Variants in SNAP47 observed in about 807,000 individuals in gnomAD.
The protein encoded by SNAP47 is synaptosome associated protein 47, also known as synaptosomal-associated protein 47.
SNAP47 carries 20 observed loss-of-function variants against 31.4 expected under a neutral mutation model. The ratio of observed to expected loss-of-function variants is 0.64; its 90% CI spans 0.45 to 0.93. SNAP47 has a LOEUF of 0.93. Ranked by LOEUF, SNAP47 falls within the 40% of genes least tolerant of loss-of-function variation. The pLI is 0.00. For missense variants in SNAP47, 492 were observed against 528.5 expected (o/e 0.93, Z 0.68); for synonymous variants, 194 against 213.4 (o/e 0.91, Z 0.79).
intron 1 of SNAP47, chr1:227,746,374 T>C (rs1661963684): frequency 6.6e-6 from 1 of 152,286 alleles, no homozygotes; most frequent in South Asian, 2.1e-4. Flanking sequence ...CACCCTGTGG[T>C]CTGCGTGTGA....
intron 1 of SNAP47, chr1:227,746,056 C>G (rs1661944874): frequency 6.6e-6 from 1 of 152,280 alleles, no homozygotes; most frequent in Admixed American, 6.5e-5. Context: ...AGGCTGCCAC[C>G]TCAGCCATGC....
chr1:227,772,436 C>T (rs1663879630), intron 4 of SNAP47, among the ~76,000 whole-genome samples: 1 of 151,722 alleles, frequency 6.6e-6, no homozygotes, highest in African/African-American at 2.4e-5. Flanking sequence ...CCTTTTGTGC[C>T]TGCCTTATTT....
chr1:227,768,896 G>A (rs1355500624), intron 4 of SNAP47, among the ~76,000 whole-genome samples: 1 of 152,234 alleles, frequency 6.6e-6, no homozygotes, highest in Non-Finnish European at 1.5e-5. Flanking sequence ...GTCCACGGCC[G>A]AGATACTCAC....
intron 4 of SNAP47, among the ~76,000 whole-genome samples, chr1:227,769,968 G>A (rs1663687276): frequency 6.6e-6 from 1 of 152,194 alleles, no homozygotes; most frequent in Non-Finnish European, 1.5e-5. Context: ...TGGACACTCA[G>A]TGTCGACAGA....
chr1:227,767,666 G>A (rs1663521588), intron 4 of SNAP47, among the ~76,000 whole-genome samples: 1 of 146,220 alleles, frequency 6.8e-6, no homozygotes, highest in Non-Finnish European at 1.5e-5. Flanking sequence ...TACTGTGCAT[G>A]GGCATGTGTA....
At chr1:227,778,024 C>T (rs1664260677) in intron 4 of SNAP47, among the ~76,000 whole-genome samples, 1 of 152,188 alleles carries the variant, frequency 6.6e-6, no homozygotes, top group African/African-American at 2.4e-5. Context: ...TTCAGGATAG[C>T]TATAGGATGG....
chr1:227,775,008 C>A (rs1664066099), intron 4 of SNAP47, among the ~76,000 whole-genome samples: 1 of 152,222 alleles, frequency 6.6e-6, no homozygotes, highest in Non-Finnish European at 1.5e-5. Context: ...AAAGTCCCCT[C>A]TGAGCAGCGA....
At chr1:227,767,659 T>G (rs1461837295) in intron 4 of SNAP47, among the ~76,000 whole-genome samples, 1 of 150,488 alleles carries the variant, frequency 6.6e-6, no homozygotes, top group East Asian at 1.9e-4. Context: ...TTGTGTGTAC[T>G]GTGCATGGGC....
In SNAP47 at chr1:227,735,456, C is replaced by A. The variant is rs1480936263; in HGVS notation, c.-89C>A. The A allele has an allele frequency of 2.1e-6, 3 of 1,438,226 alleles. No homozygotes were observed. Among genetic ancestry groups the A allele is most frequent in the Non-Finnish European group, 2.7e-6 (3 of 1,106,524 alleles). The allele number at this position is 1,438,226 out of a possible 1,614,324, so 89.1% of individuals were successfully genotyped here. On this transcript the variant is annotated 5_prime_UTR_variant, in exon 1 of 5. Transcript: ENST00000617596. ...CTTCACTGCGCAGGCGCCGAGCGGC[C>A]GAGGCGCCGCGGTCGGCTCTGGGAC...
chr1:227,747,504 G>A (rs1662042038), intron 1 of SNAP47, among the ~76,000 whole-genome samples, 188 bp from the exon 2 acceptor site: 1 of 152,134 alleles, frequency 6.6e-6, no homozygotes, highest in Admixed American at 6.5e-5. Context: ...CTCCTGCTCT[G>A]GCTGCTCTTC....
At position 227,768,341 on chromosome 1, in the gene SNAP47, G is replaced by A. The variant is rs911745840; in HGVS notation, c.1113+1258G>A. 16 of 985,354 alleles carry A rather than the reference G, an allele frequency of 1.6e-5. No homozygotes were observed. The Admixed American group carries it at 3.1e-4, about 19-fold the overall frequency. The allele number at this position is 985,354 out of a possible 1,614,324, so 61.0% of individuals were successfully genotyped here. ...TGTCCACGCAGGGCATGGGCTCCCCGTCCCTGAGCCTCTGAGTCGGCAGGT... is the reference window on the plus strand; with the variant it reads ...TGTCCACGCAGGGCATGGGCTCCCCATCCCTGAGCCTCTGAGTCGGCAGGT... On this transcript the variant is annotated intron_variant, in intron 4 of 4. Transcript: ENST00000617596.
chr1:227,732,177 C>CT (rs1660693253), upstream of SNAP47: 3 of 607,868 alleles, frequency 4.9e-6, no homozygotes, highest in East Asian at 8.3e-5. Flanking sequence ...AGCAGGCCTG[C>CT]TGCAGGTCAG....
chr1:227,747,099 T>G (rs1662013795), intron 1 of SNAP47: 1 of 152,522 alleles, frequency 6.6e-6, no homozygotes, highest in African/African-American at 2.4e-5. Context: ...CGCGTACGTG[T>G]TACTACTCAG....
chr1:227,743,531 G>A (rs1249276836), intron 1 of SNAP47, among the ~76,000 whole-genome samples: 1 of 152,242 alleles, frequency 6.6e-6, no homozygotes, highest in Admixed American at 6.5e-5. Context: ...TGCATTGCGT[G>A]TTCGAGACTA....
intron 1 of SNAP47, among the ~76,000 whole-genome samples, chr1:227,737,511 CAG>C (rs919349405): frequency 2.0e-5 from 3 of 152,206 alleles, no homozygotes; most frequent in African/African-American, 7.2e-5. Flanking sequence ...CCAGACCAAA[CAG>C]AGGCATCCTA....
intron 3 of SNAP47, among the ~76,000 whole-genome samples, chr1:227,760,977 C>T (rs1162499276): frequency 6.6e-6 from 1 of 152,190 alleles, no homozygotes; most frequent in Non-Finnish European, 1.5e-5. Flanking sequence ...ATAAAAGACT[C>T]CATTTTCTAA....
intron 4 of SNAP47, among the ~76,000 whole-genome samples, chr1:227,774,837 A>G (rs1429323135): frequency 2.0e-5 from 3 of 152,228 alleles, no homozygotes; most frequent in Non-Finnish European, 2.9e-5. Flanking sequence ...GTGAGGGTTC[A>G]TCGTCCCTCA....
At chr1:227,751,506 C>T (rs897740718) in intron 2 of SNAP47, among the ~76,000 whole-genome samples, 15 of 152,182 alleles carry the variant, frequency 9.9e-5, no homozygotes, top group Non-Finnish European at 2.2e-4. Context: ...GGATTGAGGT[C>T]GTCAGCCTGG....
At chr1:227,733,857 G>A (rs753656200), upstream of SNAP47, 74 of 1,608,450 alleles carry the variant, frequency 4.6e-5, 1 homozygote, top group South Asian at 5.2e-4. Flanking sequence ...CTCCCAGTCC[G>A]TTCTGTCACC....
Sources: gnomAD v4.1 joint callset for allele counts (sites outside exome capture counted in the v4.1 genomes callset) on GRCh38, gnomAD v4.1.1 for gene constraint, MANE v1.5 for transcripts, NCBI Gene and HGNC (gene_info 2026-07-23, HGNC 2026-07-21) for gene names.